The following ATRNL1 variants were observed in gnomAD, a reference collection of about 807,000 sequenced individuals.
ATRNL1 encodes attractin-like protein 1.
In ATRNL1, 95 loss-of-function variants were observed where a neutral mutation model predicts 182.7. The ratio of observed to expected loss-of-function variants is 0.52; its 90% confidence interval spans 0.44 to 0.62. The LOEUF (loss-of-function observed/expected upper bound fraction) is 0.62. ATRNL1 is among the 20% of genes least tolerant of loss of function. ATRNL1 has a pLI of 0.00. For missense variants in ATRNL1, 1,471 were observed against 1,679.5 expected (o/e 0.88, Z 2.17); for synonymous variants, 576 against 568.3 (o/e 1.01, Z -0.19).
At position 115,245,456 on chromosome 10, in the gene ATRNL1, G is replaced by A. The variant is rs368824164; in HGVS notation, c.1687+3731G>A. On this transcript the variant is annotated intron_variant, in intron 10 of 28. Coordinates refer to ENST00000355044, the MANE Select transcript of ATRNL1 (RefSeq NM_207303.4). ...GGAGGTTTCAGTGAGCCGAGATTGC[G>A]CCATTGCACTCCAGCCTGCGCAACA... is the stretch of plus-strand genomic sequence containing the variant. Among the ~76,000 whole-genome samples, 34 of 136,372 alleles carry A rather than the reference G, an allele frequency of 2.5e-4. 1 individual carries two copies. The East Asian group carries it at 6.3e-3, about 25-fold the overall frequency. 89.5% of individuals were successfully genotyped at this position (136,372 alleles called of 152,430 possible).
chr10:115,768,620 G>A (rs990828216), intron 27 of ATRNL1, among the ~76,000 whole-genome samples: 17 of 152,148 alleles, frequency 1.1e-4, no homozygotes, highest in South Asian at 4.2e-4. Context: ...ACTCCACGCC[G>A]TGAACACGCT....
intron 9 of ATRNL1, among the ~76,000 whole-genome samples, chr10:115,220,851 C>T (rs1389094200): frequency 6.6e-6 from 1 of 151,924 alleles, no homozygotes; most frequent in Non-Finnish European, 1.5e-5. Context: ...CACTATAAAG[C>T]CTGCTACCAG....
intron 27 of ATRNL1, among the ~76,000 whole-genome samples, chr10:115,798,333 C>T (rs2134228683): frequency 6.6e-6 from 1 of 152,224 alleles, no homozygotes; most frequent in Non-Finnish European, 1.5e-5. Flanking sequence ...GGTGAGATTC[C>T]TGCTCTCTCA....
At chr10:115,758,155 A>G (rs1948639141) in intron 27 of ATRNL1, among the ~76,000 whole-genome samples, 1 of 151,844 alleles carries the variant, frequency 6.6e-6, no homozygotes, top group South Asian at 2.1e-4. Flanking sequence ...TCTGAAGCCT[A>G]CTTCTGATAA....
At chr10:115,362,951 T>A (rs1490434164) in intron 19 of ATRNL1, among the ~76,000 whole-genome samples, 1 of 152,138 alleles carries the variant, frequency 6.6e-6, no homozygotes, top group Non-Finnish European at 1.5e-5. Flanking sequence ...TCCAAGTCTT[T>A]GCTATTGTGA....
intron 26 of ATRNL1, among the ~76,000 whole-genome samples, chr10:115,698,499 G>C (rs1555050497): frequency 6.6e-6 from 1 of 152,118 alleles, no homozygotes; most frequent in African/African-American, 2.4e-5. Context: ...AGAAATGTGG[G>C]CTGGGCACGG....
chr10:115,496,997 G>A (rs1042222398), intron 24 of ATRNL1, among the ~76,000 whole-genome samples: 3 of 152,150 alleles, frequency 2.0e-5, no homozygotes, highest in African/African-American at 7.2e-5. Flanking sequence ...AGCGACACCA[G>A]TGAGTTGTAG....
intron 27 of ATRNL1, among the ~76,000 whole-genome samples, chr10:115,843,062 C>T (rs892251976): frequency 2.0e-5 from 3 of 152,066 alleles, no homozygotes; most frequent in Admixed American, 2.0e-4. Flanking sequence ...TCGCTTATTT[C>T]ACCATGTGAC....
At chr10:115,524,056 A>G (rs1190597091) in intron 25 of ATRNL1, among the ~76,000 whole-genome samples, 1 of 152,196 alleles carries the variant, frequency 6.6e-6, no homozygotes, top group Middle Eastern at 3.2e-3. Context: ...GGGAGCTGGT[A>G]TGTGTAGAGA....
rs896100702 is a variant in ATRNL1 at position 115,722,563 on chromosome 10, A to G, written c.3796-4685A>G. Among the ~76,000 whole-genome samples the G allele has an allele frequency of 2.6e-5, 4 of 152,142 alleles. No homozygotes were observed. The East Asian group carries it at 7.7e-4, about 29-fold the overall frequency. On this transcript the variant is annotated intron_variant, in intron 26 of 28. Coordinates refer to ENST00000355044, the MANE Select transcript of ATRNL1 (RefSeq NM_207303.4). ...TTACTTGTATTACTGTATGCTAAGT[A>G]TGTTTGTGTTAATAACAGAAAGCCT...
chr10:115,615,241 T>C (rs1581905), intron 26 of ATRNL1, among the ~76,000 whole-genome samples: 45,414 of 151,882 alleles, frequency 0.3, 7,896 homozygotes, highest in East Asian at 0.68. Flanking sequence ...ATATATACTG[T>C]ATTTTTGCTT....
chr10:115,593,593 A>G (rs1365291184), intron 26 of ATRNL1, among the ~76,000 whole-genome samples: 3 of 152,208 alleles, frequency 2.0e-5, no homozygotes, highest in Non-Finnish European at 1.5e-5. Context: ...ACAAATGCCT[A>G]CACTTATATG....
At chr10:115,515,091 A>AGCAAC in intron 24 of ATRNL1, among the ~76,000 whole-genome samples, 1 of 151,914 alleles carries the variant, frequency 6.6e-6, no homozygotes, top group Admixed American at 6.6e-5. Flanking sequence ...TCTTGTATTG[A>AGCAAC]GCAACTCTAC....
chr10:115,316,650 T>G (rs1854315993), intron 18 of ATRNL1, among the ~76,000 whole-genome samples: 1 of 152,248 alleles, frequency 6.6e-6, no homozygotes, highest in Admixed American at 6.5e-5. Flanking sequence ...GATTTGCATT[T>G]CTCTAATGAT....
chr10:115,265,152 CTTTT>C, intron 10 of ATRNL1, 37 bp from the exon 11 acceptor site: 1 of 1,294,102 alleles, frequency 7.7e-7, no homozygotes, highest in Non-Finnish European at 1.1e-6. Context: ...TTAGTTTATT[CTTTT>C]ATTTCATTTT....
chr10:115,813,447 C>G (rs1475386526), intron 27 of ATRNL1, among the ~76,000 whole-genome samples: 1 of 152,042 alleles, frequency 6.6e-6, no homozygotes, highest in Non-Finnish European at 1.5e-5. Context: ...AAAACTGAAG[C>G]TGAGATGATG....
intron 26 of ATRNL1, among the ~76,000 whole-genome samples, chr10:115,578,495 A>G (rs567339886): frequency 3.4e-4 from 51 of 151,674 alleles, no homozygotes; most frequent in African/African-American, 1.2e-3. Context: ...GCATGTTTCC[A>G]GGAATTTATT....
At chr10:115,843,080 A>C (rs1344611851) in intron 27 of ATRNL1, among the ~76,000 whole-genome samples, 1 of 152,088 alleles carries the variant, frequency 6.6e-6, no homozygotes, top group Admixed American at 6.6e-5. Flanking sequence ...GACCTCTGTG[A>C]CAACTTCATT....
intron 27 of ATRNL1, among the ~76,000 whole-genome samples, chr10:115,735,407 C>T (rs1555065158): frequency 1.3e-5 from 2 of 152,116 alleles, no homozygotes; most frequent in Admixed American, 6.5e-5. Context: ...TCCGTTGTTG[C>T]TGTAGTAGGT....
Sources: gnomAD v4.1 joint callset for allele counts (sites outside exome capture counted in the v4.1 genomes callset) on GRCh38, gnomAD v4.1.1 for gene constraint, MANE v1.5 for transcripts, NCBI Gene and HGNC (gene_info 2026-07-23, HGNC 2026-07-21) for gene names.